Variants in SYT13 observed in about 807,000 individuals in gnomAD.
The protein encoded by SYT13 is synaptotagmin-13.
In SYT13, 21 loss-of-function variants were observed where a neutral mutation model predicts 38.6. The observed-to-expected ratio is 0.54, with a 90% CI of 0.39 to 0.78. The LOEUF is 0.78. SYT13 is among the 30% of genes least tolerant of loss of function. The pLI, the probability that SYT13 is intolerant of heterozygous loss-of-function variation, is 0.00. For synonymous variants in SYT13, 241 were observed against 237.6 expected, an observed-to-expected ratio of 1.01 and a Z score of -0.13; for missense variants, 495 against 548.7, an observed-to-expected ratio of 0.90 and a Z score of 0.98.
chr11:45,251,944 G>C (rs1254209895), intron 4 of SYT13, among the ~76,000 whole-genome samples: 1 of 152,144 alleles, frequency 6.6e-6, no homozygotes, highest in Non-Finnish European at 1.5e-5. Context: ...GCTCAGGGTG[G>C]AACACATCAA....
chr11:45,251,386 T>TAAAAAAA (rs10649998), intron 4 of SYT13, among the ~76,000 whole-genome samples: 31 of 75,352 alleles, frequency 4.1e-4, no homozygotes, highest in African/African-American at 1.7e-3. Flanking sequence ...AGACTCTGTC[T>TAAAAAAA]AAAAAAAAAA....
chr11:45,258,928 T>A (rs775858093), intron 1 of SYT13, among the ~76,000 whole-genome samples: 10 of 152,168 alleles, frequency 6.6e-5, no homozygotes, highest in African/African-American at 1.2e-4. Flanking sequence ...ATTACCTTCA[T>A]CCTACTGTTT....
chr11:45,271,391 T>G (rs1455632832), intron 1 of SYT13, among the ~76,000 whole-genome samples: 2 of 152,174 alleles, frequency 1.3e-5, no homozygotes, highest in African/African-American at 4.8e-5. Flanking sequence ...GGGGCTTCAA[T>G]GCAGCATTCA....
chr11:45,255,006 C>A (rs562493970), intron 2 of SYT13, among the ~76,000 whole-genome samples: 1 of 151,992 alleles, frequency 6.6e-6, no homozygotes, highest in Non-Finnish European at 1.5e-5. Flanking sequence ...GTCCTAGGTA[C>A]TCAGGAGGCC....
rs749331164 is a variant in SYT13 at position 45,246,378 on chromosome 11, C to T, written c.976+5G>A. On this transcript the variant is annotated splice_donor_5th_base_variant and intron_variant, in intron 5 of 5. Coordinates refer to ENST00000020926, the MANE Select transcript of SYT13 (RefSeq NM_020826.3). ...GCCTTGGCCATCCTCTCACATCTCA[C>T]TCACCCTTCCCCAGGAGCTCCTTGG... 2 of 1,613,600 alleles carry T rather than the reference C, an allele frequency of 1.2e-6. No homozygotes were observed. The highest frequency in any genetic ancestry group is 8.5e-7 in the Non-Finnish European group (1 of 1,179,778).
chr11:45,267,925 G>T (rs994260391), intron 1 of SYT13, among the ~76,000 whole-genome samples: 4 of 152,080 alleles, frequency 2.6e-5, no homozygotes, highest in Non-Finnish European at 5.9e-5. Flanking sequence ...TCTCCTGTTT[G>T]TTCCGAGTCT....
chr11:45,285,714 T>C (rs1372634846), intron 1 of SYT13: 1 of 606,256 alleles, frequency 1.6e-6, no homozygotes, highest in African/African-American at 1.8e-5. Flanking sequence ...TTCCCAGCCC[T>C]AATTCTTATC....
At chr11:45,269,218 C>T (rs990960355) in intron 1 of SYT13, among the ~76,000 whole-genome samples, 3 of 152,292 alleles carry the variant, frequency 2.0e-5, no homozygotes, top group Admixed American at 2.0e-4. Flanking sequence ...AGAGTACAGT[C>T]AGTCCGCAGG....
Position 45,252,159 on chromosome 11 carries a change from G to A in SYT13, c.846+262C>T, listed in dbSNP as rs1854684141. On this transcript the variant is annotated intron_variant, in intron 4 of 5. Transcript: ENST00000020926. This position sits in a 1 kb window ranked among gnomAD's most constrained non-coding sequence, Gnocchi z 4.3. The stretch of plus-strand genomic sequence containing the variant: ...CAGTAAAGGTAATACACACAGCATG[G>A]CATTTTCCATGACGGCAGAGAGAGT... Among the ~76,000 whole-genome samples, 1 of 152,174 alleles carries A rather than the reference G, an allele frequency of 6.6e-6. No homozygotes were observed. Among genetic ancestry groups the A allele is most frequent in the African/African-American group, 2.4e-5 (1 of 41,430 alleles).
At position 45,253,861 on chromosome 11, in the gene SYT13, G is replaced by T. The variant is rs111519843; in HGVS notation, c.544+409C>A. 6.2e-3 allele frequency: 952 copies of T among 154,162 alleles called. 6 individuals carry two copies. The highest frequency in any genetic ancestry group is 0.019 in the Middle Eastern group (6 of 310). The allele number at this position is 154,162 out of a possible 1,614,324, so 9.5% of individuals were successfully genotyped here. A position where few individuals can be genotyped will look rare whatever the true frequency, so the allele number is the denominator to read the frequency against. On this transcript the variant is annotated intron_variant, in intron 3 of 5. Coordinates refer to ENST00000020926, the MANE Select transcript of SYT13 (RefSeq NM_020826.3). ...CAGTTGAGTGTGCTCATGTGACTGAGCTACGGCCAATGGGATGCAAGCGGA... is the reference window on the plus strand; with the variant it reads ...CAGTTGAGTGTGCTCATGTGACTGATCTACGGCCAATGGGATGCAAGCGGA...
chr11:45,260,949 C>A (rs1854807887), intron 1 of SYT13, among the ~76,000 whole-genome samples: 1 of 152,148 alleles, frequency 6.6e-6, no homozygotes, highest in African/African-American at 2.4e-5. Flanking sequence ...TATGAGACAC[C>A]AGGGACACTC....
At position 45,243,540 on chromosome 11, in the gene SYT13, T is replaced by G. The variant is rs1461488838; in HGVS notation, c.*512A>C. Reference sequence around the variant, plus strand: ...ATGTCTCCAGGCGAGCCCAGGAATCTGCTGGTGACTCTTCACATGCTAAAG... The same window carrying G: ...ATGTCTCCAGGCGAGCCCAGGAATCGGCTGGTGACTCTTCACATGCTAAAG... On this transcript the variant is annotated 3_prime_UTR_variant, in exon 6 of 6. Transcript: ENST00000020926. 6.5e-6 allele frequency: 1 copy of G among 152,762 alleles called. No individual in the cohort carries two copies. Among genetic ancestry groups the G allele is most frequent in the Non-Finnish European group, 1.5e-5 (1 of 68,482 alleles). 9.5% of individuals were successfully genotyped at this position (152,762 alleles called of 1,614,324 possible). A position where few individuals can be genotyped will look rare whatever the true frequency, so the allele number is the denominator to read the frequency against.
At chr11:45,271,271 A>AT (rs1854945969) in intron 1 of SYT13, among the ~76,000 whole-genome samples, 1 of 152,252 alleles carries the variant, frequency 6.6e-6, no homozygotes, top group Non-Finnish European at 1.5e-5. Context: ...GAAAAGATAG[A>AT]TAAAAATAGA....
chr11:45,251,386 T>TAAAAAAAAAAAAAAAAAAAAAAAAAA, intron 4 of SYT13, among the ~76,000 whole-genome samples: 1 of 75,354 alleles, frequency 1.3e-5, no homozygotes, highest in African/African-American at 5.8e-5. Flanking sequence ...AGACTCTGTC[T>TAAAAAAAAAAAAAAAAAAAAAAAAAA]AAAAAAAAAA....
Position 45,249,932 on chromosome 11 carries a change from C to T in SYT13, c.846+2489G>A, listed in dbSNP as rs545452737. 3.9e-5 allele frequency among the ~76,000 whole-genome samples: 6 copies of T among 152,292 alleles called. No individual in the cohort carries two copies. The East Asian group carries it at 1.2e-3, about 29-fold the overall frequency. On this transcript the variant is annotated intron_variant, in intron 4 of 5. Transcript: ENST00000020926. ...CAAAGACTGCTCTTGGAGTGGATTG[C>T]CCTGTGAGTCACTCTTGATGCACAT...
At chr11:45,280,756 T>C (rs753482425) in intron 1 of SYT13, among the ~76,000 whole-genome samples, 11 of 152,194 alleles carry the variant, frequency 7.2e-5, no homozygotes, top group Admixed American at 3.9e-4. Flanking sequence ...CCCTCTCTTA[T>C]TCAGTGTTAG....
intron 1 of SYT13, among the ~76,000 whole-genome samples, chr11:45,268,443 A>G (rs954546431): frequency 6.6e-6 from 1 of 152,192 alleles, no homozygotes; most frequent in Admixed American, 6.5e-5. Flanking sequence ...TTTGAGGGTC[A>G]GGGAAAAGTC....
chr11:45,260,853 T>C (rs1854806996), intron 1 of SYT13, among the ~76,000 whole-genome samples: 5 of 152,142 alleles, frequency 3.3e-5, no homozygotes, highest in Admixed American at 3.3e-4. Context: ...CAGCTGTCCA[T>C]GGGCACAGCA....
chr11:45,247,524 C>A (rs1854627565), intron 4 of SYT13, among the ~76,000 whole-genome samples: 1 of 152,192 alleles, frequency 6.6e-6, no homozygotes, highest in Non-Finnish European at 1.5e-5. Flanking sequence ...AGCTTTGTCC[C>A]TCTTTCCCAG....
Sources: allele counts gnomAD v4.1 joint callset (sites outside exome capture counted in the v4.1 genomes callset), GRCh38; gene constraint gnomAD v4.1.1; non-coding constraint Gnocchi (gnomAD v3.1); transcripts MANE v1.5; gene names NCBI Gene and HGNC (gene_info 2026-07-23, HGNC 2026-07-21).